Variants in FAM81A observed in about 807,000 individuals in gnomAD.
FAM81A encodes the protein protein FAM81A.
In FAM81A, 19 loss-of-function variants were observed where a neutral mutation model predicts 46.7. The ratio of observed to expected loss-of-function variants is 0.41; its 90% CI spans 0.28 to 0.60. The LOEUF is 0.60. Among genes scored for constraint, FAM81A ranks in the 20% least tolerant of loss-of-function variants. The pLI is 0.34. For synonymous variants in FAM81A, 183 were observed against 152.9 expected, an observed-to-expected ratio of 1.20 and a Z score of -1.45; for missense variants, 377 against 453.5, an observed-to-expected ratio of 0.83 and a Z score of 1.53.
At chr15:59,518,433 T>C (rs1232671454) in intron 8 of FAM81A, among the ~76,000 whole-genome samples, 1 of 152,128 alleles carries the variant, frequency 6.6e-6, no homozygotes, top group Non-Finnish European at 1.5e-5. Context: ...GCCCCCTGCC[T>C]CGACCTCCTG....
intron 2 of FAM81A, among the ~76,000 whole-genome samples, chr15:59,416,160 A>G (rs576068247): frequency 2.6e-5 from 4 of 152,322 alleles, no homozygotes; most frequent in African/African-American, 9.6e-5. Flanking sequence ...CAGGACATTT[A>G]TTTGGGAGGT....
intron 3 of FAM81A, among the ~76,000 whole-genome samples, chr15:59,491,103 A>G (rs980440776): frequency 1.1e-4 from 17 of 152,224 alleles, no homozygotes; most frequent in Non-Finnish European, 2.1e-4. Context: ...TGGAAGAGAT[A>G]TCTGCACTCC....
At chr15:59,435,713 T>C (rs1567042232), upstream of FAM81A, among the ~76,000 whole-genome samples, 1 of 152,226 alleles carries the variant, frequency 6.6e-6, no homozygotes, top group African/African-American at 2.4e-5. Flanking sequence ...TAAATAGTAT[T>C]ACAGCCATCA....
At chr15:59,489,357 A>C (rs2081958624) in intron 3 of FAM81A, among the ~76,000 whole-genome samples, 1 of 151,988 alleles carries the variant, frequency 6.6e-6, no homozygotes, top group Non-Finnish European at 1.5e-5. Context: ...CAAAGAAGTG[A>C]AAGATCTCTA....
At chr15:59,430,871 T>A (rs767865757) in intron 2 of FAM81A, among the ~76,000 whole-genome samples, 20 of 152,208 alleles carry the variant, frequency 1.3e-4, no homozygotes, top group African/African-American at 4.8e-4. Context: ...TGGAATGAGT[T>A]AACCAGATTA....
At chr15:59,457,231 G>C (rs1421383721) in intron 1 of FAM81A, among the ~76,000 whole-genome samples, 1 of 152,182 alleles carries the variant, frequency 6.6e-6, no homozygotes, top group Non-Finnish European at 1.5e-5. Flanking sequence ...TTCTGAAATA[G>C]TGTGATGAAA....
chr15:59,484,033 G>T (rs1012289045), intron 3 of FAM81A, among the ~76,000 whole-genome samples: 1 of 152,080 alleles, frequency 6.6e-6, no homozygotes. Flanking sequence ...TGCACCACCC[G>T]TCCACAAGCC....
upstream of FAM81A, among the ~76,000 whole-genome samples, chr15:59,433,982 A>G (rs1031445289): frequency 6.6e-6 from 1 of 152,138 alleles, no homozygotes; most frequent in African/African-American, 2.4e-5. Context: ...CAGTGTCCCG[A>G]GTAGCTGGGA....
chr15:59,413,113 G>T (rs1408006450), intron 2 of FAM81A, among the ~76,000 whole-genome samples: 1 of 152,072 alleles, frequency 6.6e-6, no homozygotes, highest in Non-Finnish European at 1.5e-5. Context: ...GAAGCCCCAG[G>T]TCAGTCACGT....
chr15:59,499,831 C>T (rs1232970030), intron 4 of FAM81A, among the ~76,000 whole-genome samples: 3 of 150,962 alleles, frequency 2.0e-5, no homozygotes, highest in Non-Finnish European at 4.4e-5. Context: ...TTGCTGCTTT[C>T]AAATATTTCT....
At chr15:59,444,005 C>T (rs2081328475) in intron 1 of FAM81A, 1 of 152,382 alleles carries the variant, frequency 6.6e-6, no homozygotes, top group Non-Finnish European at 1.5e-5. Flanking sequence ...ACTCAAATGC[C>T]TGCTCCTCAA....
chr15:59,430,886 A>G (rs925181896), intron 2 of FAM81A, among the ~76,000 whole-genome samples: 1 of 152,232 alleles, frequency 6.6e-6, no homozygotes, highest in Non-Finnish European at 1.5e-5. Flanking sequence ...AGATTAATTA[A>G]CAAACTCTGT....
At chr15:59,515,357 C>T (rs1252466578) in intron 7 of FAM81A, among the ~76,000 whole-genome samples, 3 of 152,216 alleles carry the variant, frequency 2.0e-5, no homozygotes, top group African/African-American at 7.2e-5. Context: ...ACATCTCTGT[C>T]TCCCTTCCCT....
intron 3 of FAM81A, among the ~76,000 whole-genome samples, chr15:59,474,262 A>G (rs1338104641): frequency 6.6e-6 from 1 of 152,248 alleles, no homozygotes; most frequent in Non-Finnish European, 1.5e-5. Context: ...ATGCTGTCAT[A>G]GTATATTTGT....
intron 2 of FAM81A, among the ~76,000 whole-genome samples, chr15:59,426,829 A>G (rs191773744): frequency 2.1e-4 from 32 of 152,336 alleles, no homozygotes; most frequent in African/African-American, 7.7e-4. Flanking sequence ...GCAATCTTTC[A>G]TTAAACCAAC....
chr15:59,435,838 G>T (rs1013690629), upstream of FAM81A, among the ~76,000 whole-genome samples: 3 of 152,104 alleles, frequency 2.0e-5, no homozygotes, highest in African/African-American at 7.2e-5. Context: ...TCCATCTCCT[G>T]TAATGAGTTA....
intron 3 of FAM81A, among the ~76,000 whole-genome samples, chr15:59,474,598 G>A (rs2081742231): frequency 6.6e-6 from 1 of 152,174 alleles, no homozygotes; most frequent in Non-Finnish European, 1.5e-5. Context: ...TGGGGATTAA[G>A]TTCAACATAA....
chr15:59,427,197 G>A (rs1185342563), intron 2 of FAM81A, among the ~76,000 whole-genome samples: 5 of 152,142 alleles, frequency 3.3e-5, no homozygotes, highest in African/African-American at 1.2e-4. Context: ...TGCAGCCTCC[G>A]CCTCCTGGGT....
chr15:59,465,968 AGTTT>A (rs1292295367), intron 3 of FAM81A, among the ~76,000 whole-genome samples: 1 of 152,056 alleles, frequency 6.6e-6, no homozygotes, highest in Non-Finnish European at 1.5e-5. Context: ...TCCTTGTGAT[AGTTT>A]GCTGAGAAAG....
Sources: gnomAD v4.1 joint callset for allele counts (sites outside exome capture counted in the v4.1 genomes callset) on GRCh38, gnomAD v4.1.1 for gene constraint, MANE v1.5 for transcripts, NCBI Gene and HGNC (gene_info 2026-07-23, HGNC 2026-07-21) for gene names.